Variants in TENM2 observed in about 807,000 individuals in gnomAD.
TENM2 encodes the protein teneurin-2.
A neutral mutation model predicts 245.2 loss-of-function variants in TENM2; 52 were observed. The observed-to-expected ratio is 0.21, with a 90% CI of 0.17 to 0.27. TENM2 has a LOEUF of 0.27. Among genes scored for constraint, TENM2 ranks in the 10% least tolerant of loss-of-function variants. The pLI, the probability that TENM2 is intolerant of heterozygous loss-of-function variation, is 1.00. For synonymous variants in TENM2, 1,363 were observed against 1,438.9 expected, an observed-to-expected ratio of 0.95 and a Z score of 1.19; for missense variants, 3,046 against 3,666.8, an observed-to-expected ratio of 0.83 and a Z score of 4.37.
At chr5:167,532,686 A>G (rs1273582692) in intron 2 of TENM2, among the ~76,000 whole-genome samples, 2 of 151,688 alleles carry the variant, frequency 1.3e-5, no homozygotes, top group Non-Finnish European at 2.9e-5. Flanking sequence ...CGTATCTCCT[A>G]TATGTGTATA....
At chr5:167,322,660 A>G (rs1312708276) in intron 1 of TENM2, among the ~76,000 whole-genome samples, 1 of 152,156 alleles carries the variant, frequency 6.6e-6, no homozygotes, top group African/African-American at 2.4e-5. Context: ...TCACTGTCCA[A>G]AAGAAAAATA....
At chr5:167,955,077 C>G (rs1017053282) in intron 4 of TENM2, among the ~76,000 whole-genome samples, 9 of 152,026 alleles carry the variant, frequency 5.9e-5, no homozygotes, top group African/African-American at 2.2e-4. Flanking sequence ...AATTTACACT[C>G]CCACCAACAG....
chr5:167,891,115 T>C (rs2151461692), intron 3 of TENM2, among the ~76,000 whole-genome samples: 1 of 152,240 alleles, frequency 6.6e-6, no homozygotes, highest in East Asian at 1.9e-4. Flanking sequence ...TTCACATGTA[T>C]TTAAAAAAAA....
the TENM2 span, among the ~76,000 whole-genome samples, chr5:167,237,316 A>G: frequency 6.6e-6 from 1 of 152,184 alleles, no homozygotes; most frequent in Non-Finnish European, 1.5e-5. Context: ...CATTTGGAAT[A>G]TTCATATTTC....
chr5:168,082,051 G>A (rs185274931), intron 7 of TENM2, among the ~76,000 whole-genome samples: 2 of 152,168 alleles, frequency 1.3e-5, no homozygotes, highest in Non-Finnish European at 2.9e-5. Context: ...CATTCTGCCT[G>A]TCACTTTCAG....
the TENM2 span, among the ~76,000 whole-genome samples, chr5:166,990,745 A>G: frequency 1.3e-5 from 2 of 152,208 alleles, no homozygotes; most frequent in Admixed American, 6.5e-5. Context: ...CAACTGTCAC[A>G]AAAATTTTTT....
intron 2 of TENM2, among the ~76,000 whole-genome samples, chr5:167,594,195 T>G (rs911265057): frequency 3.3e-5 from 5 of 152,192 alleles, no homozygotes; most frequent in Admixed American, 3.3e-4. Context: ...AAAATTAAAC[T>G]GTATTAAGAT....
At chr5:167,044,952 G>T in the TENM2 span, among the ~76,000 whole-genome samples, 1 of 152,170 alleles carries the variant, frequency 6.6e-6, no homozygotes, top group African/African-American at 2.4e-5. Flanking sequence ...AATGGAGGGA[G>T]CAAGGAATAG....
chr5:168,181,084 C>T (rs1441044252), intron 13 of TENM2, among the ~76,000 whole-genome samples: 1 of 152,178 alleles, frequency 6.6e-6, no homozygotes, highest in African/African-American at 2.4e-5. Context: ...ATAGACATCA[C>T]CTGGGAGCTC....
intron 6 of TENM2, among the ~76,000 whole-genome samples, chr5:168,061,308 C>T (rs1790018057): frequency 2.0e-5 from 3 of 152,052 alleles, no homozygotes; most frequent in Non-Finnish European, 4.4e-5. Flanking sequence ...CTCAGCTTTT[C>T]CTTAATTCTG....
chr5:167,563,203 A>G (rs1177064128), intron 2 of TENM2, among the ~76,000 whole-genome samples: 2 of 152,168 alleles, frequency 1.3e-5, no homozygotes, highest in East Asian at 1.9e-4. Flanking sequence ...GTCTTCCACA[A>G]AAAGATCAGA....
the TENM2 span, among the ~76,000 whole-genome samples, chr5:167,080,148 T>G: frequency 0.041 from 6,304 of 152,334 alleles, 174 homozygotes; most frequent in South Asian, 0.091. Context: ...ATAAGTTGAA[T>G]AGAAGATAAT....
intron 3 of TENM2, among the ~76,000 whole-genome samples, chr5:167,941,044 C>T (rs2093773952): frequency 6.6e-6 from 1 of 152,170 alleles, no homozygotes; most frequent in Non-Finnish European, 1.5e-5. Context: ...ATGATAAATA[C>T]TAGAATGTTT....
intron 2 of TENM2, among the ~76,000 whole-genome samples, chr5:167,443,892 T>C (rs1184442101): frequency 1.3e-5 from 2 of 152,178 alleles, no homozygotes; most frequent in Non-Finnish European, 2.9e-5. Context: ...TTGTAGTGTT[T>C]AATTTAATGG....
intron 5 of TENM2, among the ~76,000 whole-genome samples, chr5:168,044,022 A>G (rs1788409639): frequency 6.6e-6 from 1 of 152,210 alleles, no homozygotes; most frequent in Admixed American, 6.5e-5. Context: ...TTCACAGTCA[A>G]TAGTTTCCTC....
intron 2 of TENM2, among the ~76,000 whole-genome samples, chr5:167,448,507 A>T (rs554391975): frequency 6.7e-6 from 1 of 149,398 alleles, no homozygotes; most frequent in Non-Finnish European, 1.5e-5. Flanking sequence ...AAAAAAAAGT[A>T]TCTTGCTATC....
chr5:167,347,176 T>C (rs911848187), intron 1 of TENM2, among the ~76,000 whole-genome samples: 2 of 151,876 alleles, frequency 1.3e-5, no homozygotes, highest in Admixed American at 6.6e-5. Flanking sequence ...AAAGACCGAA[T>C]CTTTTTTAAT....
chr5:167,782,313 C>CAAAAAAAA lies in TENM2; in HGVS notation c.503-93654_503-93647dup, dbSNP rs767675565. Among the ~76,000 whole-genome samples, 130 of 58,726 alleles carry CAAAAAAAA rather than the reference C, an allele frequency of 2.2e-3. 1 individual carries two copies. Among genetic ancestry groups the CAAAAAAAA allele is most frequent in the African/African-American group, 5.1e-3 (76 of 14,886 alleles). 38.5% of individuals were successfully genotyped at this position (58,726 alleles called of 152,430 possible). A position where few individuals can be genotyped will look rare whatever the true frequency, so the allele number is the denominator to read the frequency against. ...GGGCAACAAGAGCAAAACTCTGTCT[C>CAAAAAAAA]AAAAAAAAAAAAAAAAAAAAAAAAA... is the stretch of plus-strand genomic sequence containing the variant. On this transcript the variant is annotated intron_variant, in intron 2 of 28. Transcript: ENST00000518659.
chr5:167,514,315 A>T (rs1351191629), intron 2 of TENM2, among the ~76,000 whole-genome samples: 2 of 152,248 alleles, frequency 1.3e-5, no homozygotes, highest in South Asian at 4.1e-4. Context: ...ACACGGCCCC[A>T]TCACCTTCCT....
Sources: gnomAD v4.1 joint callset for allele counts (sites outside exome capture counted in the v4.1 genomes callset) on GRCh38, gnomAD v4.1.1 for gene constraint, MANE v1.5 for transcripts, NCBI Gene and HGNC (gene_info 2026-07-23, HGNC 2026-07-21) for gene names.